The following PTPRT variants were observed in gnomAD, a reference collection of about 807,000 sequenced individuals.
PTPRT encodes protein tyrosine phosphatase receptor type T.
A neutral mutation model predicts 176.8 loss-of-function variants in PTPRT; 56 were observed. The observed-to-expected ratio is 0.32, with a 90% CI of 0.26 to 0.40. The LOEUF is 0.40. Ranked by LOEUF, PTPRT falls within the 10% of genes least tolerant of loss-of-function variation. The probability of loss-of-function intolerance (pLI) is 1.00; values close to 1 mark genes in which losing one functional copy is unlikely to be tolerated. For synonymous variants in PTPRT, 783 were observed against 739.0 expected (o/e 1.06, Z -0.96); for missense variants, 1,540 against 1,908.2 (o/e 0.81, Z 3.60).
At chr20:42,280,306 A>G (rs994072975) in intron 13 of PTPRT, among the ~76,000 whole-genome samples, 7 of 152,258 alleles carry the variant, frequency 4.6e-5, no homozygotes, top group Middle Eastern at 3.4e-3. Flanking sequence ...CCTTTGTCCT[A>G]TGCTCCCCAA....
intron 3 of PTPRT, among the ~76,000 whole-genome samples, chr20:42,788,764 C>T (rs898842353): frequency 6.6e-6 from 1 of 152,182 alleles, no homozygotes; most frequent in African/African-American, 2.4e-5. Context: ...TGAGCAGAAC[C>T]AGCACCTCAT....
intron 2 of PTPRT, among the ~76,000 whole-genome samples, chr20:42,875,069 T>C (rs1311716411): frequency 6.6e-6 from 1 of 152,184 alleles, no homozygotes; most frequent in Non-Finnish European, 1.5e-5. Context: ...CCAGTCTCCA[T>C]CACTTTCACT....
In PTPRT at chr20:42,610,664, G is replaced by A. The variant is rs2073960698; in HGVS notation, c.1153+67202C>T. 2.6e-5 allele frequency among the ~76,000 whole-genome samples: 4 copies of A among 152,038 alleles called. No homozygotes were observed. The South Asian group carries it at 8.3e-4, about 32-fold the overall frequency. On this transcript the variant is annotated intron_variant, in intron 7 of 30. Coordinates refer to ENST00000373187, the MANE Select transcript of PTPRT (RefSeq NM_007050.6). ...CAGGCACATTTTTTCTTTTTCTGTT[G>A]TTGTTGTGGGGGATAACACCCTTTG...
chr20:43,149,232 TTA>T (rs2014266979), intron 1 of PTPRT, among the ~76,000 whole-genome samples: 2 of 152,334 alleles, frequency 1.3e-5, no homozygotes, highest in Non-Finnish European at 2.9e-5. Context: ...CCCCTGTGCA[TTA>T]TGTTTTAATA....
chr20:42,978,463 G>A (rs1204346084), intron 1 of PTPRT, among the ~76,000 whole-genome samples: 1 of 152,136 alleles, frequency 6.6e-6, no homozygotes, highest in African/African-American at 2.4e-5. Context: ...CAGAAAGATT[G>A]CAAGAATTTA....
chr20:42,183,119 A>T (rs78470161), intron 16 of PTPRT, among the ~76,000 whole-genome samples: 2,961 of 152,224 alleles, frequency 0.019, 93 homozygotes, highest in African/African-American at 0.067. Flanking sequence ...TCTACTTCTT[A>T]AAATCTATGT....
intron 1 of PTPRT, among the ~76,000 whole-genome samples, chr20:43,081,997 C>T (rs1298204556): frequency 6.6e-6 from 1 of 152,134 alleles, no homozygotes; most frequent in Non-Finnish European, 1.5e-5. Flanking sequence ...TTGTGGCATT[C>T]CCAGAAAAAA....
intron 7 of PTPRT, among the ~76,000 whole-genome samples, chr20:42,666,890 G>A (rs1224588388): frequency 6.6e-6 from 1 of 152,058 alleles, no homozygotes; most frequent in African/African-American, 2.4e-5. Context: ...AAATCTTTTA[G>A]TAGTTCCAAT....
intron 3 of PTPRT, among the ~76,000 whole-genome samples, chr20:42,782,288 C>T (rs983867885): frequency 1.3e-5 from 2 of 152,070 alleles, no homozygotes; most frequent in African/African-American, 4.8e-5. Context: ...ACTGCATACA[C>T]TCTCCCTTCA....
chr20:42,266,691 C>T lies in PTPRT; in HGVS notation c.2176+15798G>A, dbSNP rs559575340. ...AAATACATCTCCAGATTTTGCCAAACGTCCCCTAGTCCTAGAGAGCAACAA... is the reference window on the plus strand; with the variant it reads ...AAATACATCTCCAGATTTTGCCAAATGTCCCCTAGTCCTAGAGAGCAACAA... On this transcript the variant is annotated intron_variant, in intron 13 of 30. Transcript: ENST00000373187. Among the ~76,000 whole-genome samples, 156 of 152,264 alleles carry T rather than the reference C, an allele frequency of 1.0e-3. 1 individual carries two copies. The highest frequency in any genetic ancestry group is 3.6e-3 in the African/African-American group (148 of 41,554).
intron 7 of PTPRT, among the ~76,000 whole-genome samples, chr20:42,676,843 C>T (rs2075513480): frequency 6.6e-6 from 1 of 152,148 alleles, no homozygotes; most frequent in Non-Finnish European, 1.5e-5. Flanking sequence ...CTCAGAGGTA[C>T]AGTGAGACAC....
chr20:42,257,647 C>CCCCCA (rs2056669037), intron 13 of PTPRT, among the ~76,000 whole-genome samples: 1 of 78,654 alleles, frequency 1.3e-5, no homozygotes, highest in Non-Finnish European at 2.5e-5. Flanking sequence ...CCCCCCACCC[C>CCCCCA]CCCCCCCCCG....
chr20:42,182,284 T>C (rs1223964170), intron 16 of PTPRT, among the ~76,000 whole-genome samples: 3 of 152,198 alleles, frequency 2.0e-5, no homozygotes, highest in South Asian at 2.1e-4. Flanking sequence ...GTTTGTTTTT[T>C]AAAATTGAAG....
At chr20:42,310,077 G>A (rs754313368) in intron 12 of PTPRT, among the ~76,000 whole-genome samples, 10 of 152,064 alleles carry the variant, frequency 6.6e-5, no homozygotes, top group Non-Finnish European at 1.0e-4. Flanking sequence ...GACAGATGTA[G>A]GTAAAATGCA....
intron 1 of PTPRT, among the ~76,000 whole-genome samples, chr20:43,164,793 T>A (rs2014810281): frequency 6.6e-6 from 1 of 152,218 alleles, no homozygotes; most frequent in East Asian, 1.9e-4. Flanking sequence ...AAATTTGAAT[T>A]TCATAGAATC....
rs532366923 is a variant in PTPRT, at chr20:42,875,038, C to T, written c.214+10769G>A. Reference sequence around the variant, plus strand: ...CAGCAGTGTTTGTCATCAGAAGAAGCACTTTTTTAGTTGAACGATGCCAGT... The same window carrying T: ...CAGCAGTGTTTGTCATCAGAAGAAGTACTTTTTTAGTTGAACGATGCCAGT... On this transcript the variant is annotated intron_variant, in intron 2 of 30. Transcript: ENST00000373187. 3.3e-5 allele frequency among the ~76,000 whole-genome samples: 5 copies of T among 152,286 alleles called. No homozygotes were observed. The East Asian group carries it at 9.6e-4, about 29-fold the overall frequency.
intron 7 of PTPRT, among the ~76,000 whole-genome samples, chr20:42,554,203 C>T (rs182854176): frequency 4.7e-4 from 71 of 152,162 alleles, no homozygotes; most frequent in African/African-American, 1.6e-3. Flanking sequence ...CAGGGGCATC[C>T]TTAAAATATT....
intron 7 of PTPRT, among the ~76,000 whole-genome samples, chr20:42,604,651 G>C (rs370895455): frequency 4.0e-4 from 61 of 152,280 alleles, no homozygotes; most frequent in African/African-American, 1.4e-3. Flanking sequence ...GAGCTAGGTG[G>C]AGATGCTTGC....
chr20:43,100,334 G>A (rs987331142), intron 1 of PTPRT, among the ~76,000 whole-genome samples: 2 of 152,036 alleles, frequency 1.3e-5, no homozygotes, highest in Admixed American at 6.6e-5. Flanking sequence ...CTAAGATCGC[G>A]CCACTACACT....
Sources: allele counts gnomAD v4.1 joint callset (sites outside exome capture counted in the v4.1 genomes callset), GRCh38; gene constraint gnomAD v4.1.1; transcripts MANE v1.5; gene names NCBI Gene and HGNC (gene_info 2026-07-23, HGNC 2026-07-21).